Variants in SLC10A3 observed in about 807,000 individuals in gnomAD.
SLC10A3 encodes solute carrier family 10 member 3, also known as P3 protein.
Under a neutral mutation model 1.9 loss-of-function variants are expected in SLC10A3, and 1 was observed. That is an observed-to-expected ratio of 0.52 (90% CI 0.19 to 2.48). The LOEUF is 2.48. Ranked by LOEUF, SLC10A3 falls within the 30% of genes most tolerant of loss-of-function variation. SLC10A3 has a pLI of 0.25. For synonymous variants in SLC10A3, 202 were observed against 189.3 expected (o/e 1.07, Z -0.55); for missense variants, 317 against 398.5 (o/e 0.80, Z 1.74).
rs782542599 is a variant in SLC10A3, at chrX:154,488,005, G to C, written c.936C>G (p.Ile312Met). The change falls in exon 2 of 2, where the codon ATC becomes ATG. Residue 312 changes from isoleucine (I) to methionine (M), a missense_variant. Transcript: ENST00000651600. ...SSAIYSRLLS[I>M]HETLHVPISK... ...AGATGGGCACGTGGAGCGTCTCATG[G>C]ATGCTGAGCAGGCGGCTGTAGATGG... 4.1e-6 allele frequency: 5 copies of C among 1,211,781 alleles called. No homozygotes were observed. The highest frequency in any genetic ancestry group is 5.6e-6 in the Non-Finnish European group (5 of 895,576).
chrX:154,488,446 GTC>G lies in SLC10A3; in HGVS notation c.493_494del (p.Asp165LeufsTer9). 8.3e-7 allele frequency: 1 copy of G among 1,210,699 alleles called. No individual in the cohort carries two copies. Among genetic ancestry groups the G allele is most frequent in the Non-Finnish European group, 1.1e-6 (1 of 894,789 alleles). ...APPTLIEERR[D>X]FCIKVSPAED... ...CAGCAGGTGAGACCTTGATGCAGAA[GTC>G]TCTCCGCTCCTCAATCAGTGTGGGC... On this transcript the variant is annotated frameshift_variant, in exon 2 of 2. Coordinates refer to ENST00000651600, the MANE Select transcript of SLC10A3 (RefSeq NM_019848.5). LOFTEE classifies it low-confidence loss of function (END_TRUNC).
rs1355617363 is a variant in SLC10A3 at position 154,488,593 on chromosome X, G to T, written c.348C>A (p.Thr116=). 2.5e-6 allele frequency: 3 copies of T among 1,209,569 alleles called. No homozygotes were observed. The highest frequency in any genetic ancestry group is 2.2e-6 in the Non-Finnish European group (2 of 894,918). Residue 116 remains threonine, a synonymous_variant, in exon 2 of 2, where the codon ACC becomes ACA. Coordinates refer to ENST00000651600, the MANE Select transcript of SLC10A3 (RefSeq NM_019848.5). ...AGGTTATAGCACTCACGTTCTTGAT[G>T]GTCAGCACCTCTGTGTCCAGGGAGG... ...RVTSLDTEVL[T]IKNVSAITWG...
intron 1 of SLC10A3, 140 bp downstream of exon 1, chrX:154,490,167 C>T: frequency 1.1e-6 from 1 of 925,527 alleles, no homozygotes; most frequent in Non-Finnish European, 1.3e-6. Flanking sequence ...GGGTTTGGCC[C>T]AGATCCCACA....
Position 154,490,555 on chromosome X carries a change from G to T in SLC10A3, c.-391C>A. The T allele has an allele frequency of 7.7e-6, 1 of 129,130 alleles. No individual in the cohort carries two copies. The highest frequency in any genetic ancestry group is 1.5e-5 in the Non-Finnish European group (1 of 67,408). The allele number at this position is 129,130 out of a possible 1,213,427, so 10.6% of individuals were successfully genotyped here. On this transcript the variant is annotated 5_prime_UTR_variant, in exon 1 of 2. Transcript: ENST00000651600. ...CCCGAGTGGGCGATCGCGGAGCAGG[G>T]TCGGGGCCAGAGGCCGCCTCCCTTC...
Position 154,488,655 on chromosome X carries a change from C to T in SLC10A3, c.286G>A (p.Ala96Thr), listed in dbSNP as rs1557213904. The T allele has an allele frequency of 1.7e-6, 2 of 1,211,666 alleles. No homozygotes were observed. The highest frequency in any genetic ancestry group is 2.2e-6 in the Non-Finnish European group (2 of 895,253). The change falls in exon 2 of 2, where the codon GCC becomes ACC. Residue 96 changes from alanine (A) to threonine (T), a missense_variant. Ala to Thr is a moderately conservative substitution (Grantham distance 58). Transcript: ENST00000651600. Reference protein sequence around the residue: ...IVISSQYPGQANRTAPGPMLR... With the variant: ...IVISSQYPGQTNRTAPGPMLR... ...ATGGGGCCAGGCGCCGTCCTGTTGG[C>T]CTGGCCTGGGTACTGGCTGGAGATC...
chrX:154,488,671 G>C lies in SLC10A3; in HGVS notation c.270C>G (p.Ser90Arg). 3 of 1,211,567 alleles carry C rather than the reference G, an allele frequency of 2.5e-6. No individual in the cohort carries two copies. The highest frequency in any genetic ancestry group is 3.4e-6 in the Non-Finnish European group (3 of 895,258). ...EDSEGIIVIS[S>R]QYPGQANRTA... ...TCCTGTTGGCCTGGCCTGGGTACTGGCTGGAGATCACGATGATGCCCTCAC... is the reference window on the plus strand; with the variant it reads ...TCCTGTTGGCCTGGCCTGGGTACTGCCTGGAGATCACGATGATGCCCTCAC... The change falls in exon 2 of 2, where the codon AGC (serine) becomes AGG (arginine). Residue 90 changes from serine (S) to arginine (R), a missense_variant. Physicochemically the swap from Ser to Arg is moderately radical, Grantham distance 110. Transcript: ENST00000651600.
rs1227135631 is a variant in SLC10A3, at chrX:154,490,429, TG to T, written c.-266del. 1.4e-5 allele frequency: 10 copies of T among 695,647 alleles called. No individual in the cohort carries two copies. The highest frequency in any genetic ancestry group is 2.4e-5 in the African/African-American group (1 of 41,753). The allele number at this position is 695,647 out of a possible 1,213,427, so 57.3% of individuals were successfully genotyped here. On this transcript the variant is annotated 5_prime_UTR_variant, in exon 1 of 2. Transcript: ENST00000651600. The stretch of plus-strand genomic sequence containing the variant: ...GACCCGCTCGGGCCGTCTCGGAGTC[TG>T]GGGGGGCCCCTTACGCCATTCCTGG...
At chrX:154,489,109 C>T (rs1557214111) in intron 1 of SLC10A3, 27 bp from the exon 2 acceptor site, 1 of 1,161,958 alleles carries the variant, frequency 8.6e-7, no homozygotes, top group South Asian at 1.9e-5. Flanking sequence ...CACAGAGAGG[C>T]AGCTGGTGAG....
Position 154,488,965 on chromosome X carries a change from G to T in SLC10A3, c.-25C>A, listed in dbSNP as rs199536953. The T allele has an allele frequency of 2.2e-5, 26 of 1,185,936 alleles. No homozygotes were observed. The East Asian group carries it at 7.8e-4, about 35-fold the overall frequency. ...TGGCTCTTCCTGGAGGACGGATGGC[G>T]TGCCCAGGCCCTCTGCGGCTTAGGA... On this transcript the variant is annotated 5_prime_UTR_variant, in exon 2 of 2. Coordinates refer to ENST00000651600, the MANE Select transcript of SLC10A3 (RefSeq NM_019848.5).
rs1452124971 is a variant in SLC10A3, at chrX:154,489,951, C to T, written c.-143+356G>A. 3.7e-6 allele frequency: 4 copies of T among 1,077,122 alleles called. No individual in the cohort carries two copies. The African/African-American group carries it at 7.5e-5, about 20-fold the overall frequency. 88.8% of individuals were successfully genotyped at this position (1,077,122 alleles called of 1,213,427 possible). Reference sequence around the variant, plus strand: ...AGTTCGGGTCACTTACCCTGGAGGCCTTGGTCCAGCCATGTGTCTTACCTC... The same window carrying T: ...AGTTCGGGTCACTTACCCTGGAGGCTTTGGTCCAGCCATGTGTCTTACCTC... On this transcript the variant is annotated intron_variant, in intron 1 of 1. Coordinates refer to ENST00000651600, the MANE Select transcript of SLC10A3 (RefSeq NM_019848.5).
chrX:154,489,399 G>A, intron 1 of SLC10A3: 2 of 754,565 alleles, frequency 2.7e-6, no homozygotes, highest in Non-Finnish European at 3.1e-6. Flanking sequence ...GTTGCCAGAA[G>A]GGGCGGCAGG....
chrX:154,487,448 G>A lies in SLC10A3; in HGVS notation c.*59C>T, dbSNP rs1569555024. 2 of 1,185,295 alleles carry A rather than the reference G, an allele frequency of 1.7e-6. No individual in the cohort carries two copies. The highest frequency in any genetic ancestry group is 3.0e-5 in the East Asian group (1 of 33,643). ...GCCTGGATTTTTCTGAGTGCATAGT[G>A]CATGAGAACTTTGGTGGAGTGTGGG... On this transcript the variant is annotated 3_prime_UTR_variant, in exon 2 of 2. Coordinates refer to ENST00000651600, the MANE Select transcript of SLC10A3 (RefSeq NM_019848.5).
chrX:154,488,235 C>T lies in SLC10A3; in HGVS notation c.706G>A (p.Val236Ile), dbSNP rs782059837. Reference sequence around the variant, plus strand: ...ATGAGGAAAGCGTACAAGGGCATGACCAGAAACTGGCCCAGGAGGCCCAGC... The same window carrying T: ...ATGAGGAAAGCGTACAAGGGCATGATCAGAAACTGGCCCAGGAGGCCCAGC... The part of the protein sequence containing the change: ...MLLGLLGQFL[V>I]MPLYAFLMAK... Residue 236 changes from valine (V) to isoleucine (I), a missense_variant, in exon 2 of 2, where the codon GTC becomes ATC. Coordinates refer to ENST00000651600, the MANE Select transcript of SLC10A3 (RefSeq NM_019848.5). 5 of 1,210,082 alleles carry T rather than the reference C, an allele frequency of 4.1e-6. No individual in the cohort carries two copies. In the South Asian group the frequency reaches 8.8e-5, roughly 21 times the overall value.
intron 1 of SLC10A3, 111 bp downstream of exon 1, chrX:154,490,196 C>T: frequency 1.1e-6 from 1 of 911,682 alleles, no homozygotes; most frequent in Non-Finnish European, 1.4e-6. Context: ...GCTTGAGGGG[C>T]CGACAGAGTT....
At chrX:154,489,608 C>A (rs188167338) in intron 1 of SLC10A3, 1 of 754,119 alleles carries the variant, frequency 1.3e-6, no homozygotes, top group Non-Finnish European at 1.6e-6. Context: ...GTGTTTCTAG[C>A]GGCCAGCAAC....
At position 154,487,689 on chromosome X, in the gene SLC10A3, T is replaced by G. The variant is rs2069318487; in HGVS notation, c.1252A>C (p.Ser418Arg). ...CTGTTCTGCACCCCTACCTCAATGC[T>G]GACCGTCCGCCGCTGGGCCACTGGC... is the stretch of plus-strand genomic sequence containing the variant. Reference protein sequence around the residue: ...KLPVAQRRTVSIEVGVQNSLL... With the variant: ...KLPVAQRRTVRIEVGVQNSLL... Residue 418 changes from serine to arginine, a missense_variant, in exon 2 of 2, where the codon AGC becomes CGC. Ser to Arg is a moderately radical substitution (Grantham distance 110). Transcript: ENST00000651600. 8.3e-7 allele frequency: 1 copy of G among 1,208,891 alleles called. No homozygotes were observed. Among genetic ancestry groups the G allele is most frequent in the Non-Finnish European group, 1.1e-6 (1 of 894,562 alleles).
rs370049296 is a variant in SLC10A3 at position 154,488,969 on chromosome X, C to T, written c.-29G>A. On this transcript the variant is annotated 5_prime_UTR_variant, in exon 2 of 2. Coordinates refer to ENST00000651600, the MANE Select transcript of SLC10A3 (RefSeq NM_019848.5). ...TCTTCCTGGAGGACGGATGGCGTGC[C>T]CAGGCCCTCTGCGGCTTAGGAGAAC... The T allele has an allele frequency of 3.4e-6, 4 of 1,183,443 alleles. No individual in the cohort carries two copies. In the African/African-American group the frequency reaches 7.1e-5, roughly 21 times the overall value.
chrX:154,488,323 C>T lies in SLC10A3; in HGVS notation c.618G>A (p.Ser206=), dbSNP rs782613703. The change falls in exon 2 of 2, where the codon TCG becomes TCA. Residue 206 remains serine, a synonymous_variant. Coordinates refer to ENST00000651600, the MANE Select transcript of SLC10A3 (RefSeq NM_019848.5). ...LLPLIFVNKC[S]FGCKVELEVL... ...CCTCGAGTTCCACTTTGCACCCAAA[C>T]GAACACTTGTTGACAAAGATAAGAG... is the stretch of plus-strand genomic sequence containing the variant. The T allele has an allele frequency of 1.8e-5, 22 of 1,211,523 alleles. No homozygotes were observed. Among genetic ancestry groups the T allele is most frequent in the Non-Finnish European group, 2.2e-5 (20 of 895,528 alleles).
chrX:154,488,634 G>C lies in SLC10A3; in HGVS notation c.307C>G (p.Pro103Ala), dbSNP rs1188938725. 12 of 1,210,143 alleles carry C rather than the reference G, an allele frequency of 9.9e-6. No homozygotes were observed. The highest frequency in any genetic ancestry group is 1.7e-5 in the African/African-American group (1 of 57,273). The change falls in exon 2 of 2, where the codon CCC (proline) becomes GCC (alanine). Residue 103 changes from proline (P) to alanine (A), a missense_variant. Transcript: ENST00000651600. The part of the protein sequence containing the change: ...PGQANRTAPG[P>A]MLRVTSLDTE... ...TCCAGGGAGGTGACCCTGAGCATGG[G>C]GCCAGGCGCCGTCCTGTTGGCCTGG...
Sources: allele counts gnomAD v4.1 joint callset, GRCh38; gene constraint gnomAD v4.1.1; transcripts MANE v1.5; gene names NCBI Gene and HGNC (gene_info 2026-07-23, HGNC 2026-07-21).